Variants in PPP2R5E observed in about 807,000 individuals in gnomAD.
PPP2R5E encodes serine/threonine-protein phosphatase 2A 56 kDa regulatory subunit epsilon isoform.
Under a neutral mutation model 65.3 loss-of-function variants are expected in PPP2R5E, and 4 were observed. That is an observed-to-expected ratio of 0.06 (90% confidence interval 0.03 to 0.14). The LOEUF is 0.14. Among genes scored for constraint, PPP2R5E ranks in the 10% least tolerant of loss-of-function variants. PPP2R5E has a pLI of 1.00. For missense variants in PPP2R5E, 274 were observed against 556.1 expected (o/e 0.49, Z 5.10); for synonymous variants, 183 against 187.4 (o/e 0.98, Z 0.19).
chr14:63,523,623 G>C (rs551733662), intron 2 of PPP2R5E, among the ~76,000 whole-genome samples: 36 of 151,200 alleles, frequency 2.4e-4, no homozygotes, highest in Non-Finnish European at 4.0e-4. Flanking sequence ...TTGTTCACTT[G>C]TTTATCTGCT....
chr14:63,499,282 G>A (rs1891733814), intron 2 of PPP2R5E, among the ~76,000 whole-genome samples: 1 of 152,116 alleles, frequency 6.6e-6, no homozygotes, highest in Non-Finnish European at 1.5e-5. Flanking sequence ...ATATATGACA[G>A]CAGAAATGTA....
intron 13 of PPP2R5E, among the ~76,000 whole-genome samples, chr14:63,380,477 A>C (rs977555904): frequency 1.3e-5 from 2 of 152,082 alleles, no homozygotes; most frequent in African/African-American, 4.8e-5. Context: ...CCTGACTAGC[A>C]CAGTGAAACC....
chr14:63,408,321 T>C (rs1195075474), intron 5 of PPP2R5E, among the ~76,000 whole-genome samples: 1 of 151,710 alleles, frequency 6.6e-6, no homozygotes, highest in African/African-American at 2.4e-5. Flanking sequence ...TAAATTTAAG[T>C]TGATAGAATA....
At chr14:63,410,175 G>T (rs1035898059) in intron 5 of PPP2R5E, among the ~76,000 whole-genome samples, 1 of 152,150 alleles carries the variant, frequency 6.6e-6, no homozygotes, top group African/African-American at 2.4e-5. Flanking sequence ...ACTGAAGAAA[G>T]AAATTTTAAG....
At chr14:63,395,040 G>C (rs561784911) in intron 7 of PPP2R5E, among the ~76,000 whole-genome samples, 186 bp downstream of exon 7, 45 of 152,314 alleles carry the variant, frequency 3.0e-4, no homozygotes, top group African/African-American at 1.1e-3. Context: ...ATGCATACTT[G>C]TGGAACAAGG....
chr14:63,423,733 T>C (rs896916138), intron 3 of PPP2R5E, among the ~76,000 whole-genome samples: 8 of 152,214 alleles, frequency 5.3e-5, no homozygotes, highest in Admixed American at 5.2e-4. Context: ...TGTTTATTCA[T>C]CCAGTAAATA....
chr14:63,415,505 A>G (rs1886640695), intron 4 of PPP2R5E, among the ~76,000 whole-genome samples: 1 of 152,212 alleles, frequency 6.6e-6, no homozygotes, highest in Admixed American at 6.5e-5. Context: ...ATTTCAATGT[A>G]TATATTTCCT....
At chr14:63,445,820 C>T (rs985498543) in intron 3 of PPP2R5E, among the ~76,000 whole-genome samples, 1 of 146,096 alleles carries the variant, frequency 6.8e-6, no homozygotes, top group African/African-American at 2.6e-5. Flanking sequence ...CCAGCCTGGG[C>T]AATAGAGTGA....
At chr14:63,454,753 T>C (rs1316191952) in intron 2 of PPP2R5E, among the ~76,000 whole-genome samples, 2 of 152,228 alleles carry the variant, frequency 1.3e-5, no homozygotes. Flanking sequence ...CCCTCCTATC[T>C]TCTTTCCAAT....
intron 3 of PPP2R5E, among the ~76,000 whole-genome samples, chr14:63,424,013 T>TC (rs1305670907): frequency 1.3e-5 from 2 of 151,914 alleles, no homozygotes; most frequent in African/African-American, 4.8e-5. Context: ...AAAAAATCAC[T>TC]CCAACAGCTA....
rs74245190 is a variant in PPP2R5E at position 63,512,782 on chromosome 14, T to C, written c.157+26747A>G. Among the ~76,000 whole-genome samples the C allele has an allele frequency of 7.1e-3, 1,081 of 152,278 alleles. 66 individuals are homozygous for C. In the East Asian group the frequency reaches 0.15, roughly 21 times the overall value. On this transcript the variant is annotated intron_variant, in intron 2 of 13. Coordinates refer to ENST00000337537, the MANE Select transcript of PPP2R5E (RefSeq NM_006246.5). ...TACTGTAATTTTGAAAACTAAAACA[T>C]ATCTTCCAAGCTACCTCTATAAATT...
chr14:63,469,907 C>A (rs993022996), intron 2 of PPP2R5E, among the ~76,000 whole-genome samples: 1 of 152,156 alleles, frequency 6.6e-6, no homozygotes, highest in Non-Finnish European at 1.5e-5. Flanking sequence ...TATTCTGGGT[C>A]AATGGCTAAC....
intron 5 of PPP2R5E, among the ~76,000 whole-genome samples, chr14:63,398,925 T>C (rs924181107): frequency 6.6e-6 from 1 of 152,210 alleles, no homozygotes; most frequent in Non-Finnish European, 1.5e-5. Context: ...TTGGTAAGAA[T>C]GTAAAATGGT....
At chr14:63,454,250 C>A (rs191123537) in intron 2 of PPP2R5E, among the ~76,000 whole-genome samples, 1 of 152,164 alleles carries the variant, frequency 6.6e-6, no homozygotes, top group Non-Finnish European at 1.5e-5. Flanking sequence ...AGAAAGCTTT[C>A]GCTGTGGTTT....
chr14:63,435,291 G>C (rs1420795501), intron 3 of PPP2R5E, among the ~76,000 whole-genome samples: 1 of 151,988 alleles, frequency 6.6e-6, no homozygotes, highest in East Asian at 1.9e-4. Flanking sequence ...AAGCAGACTA[G>C]GAGCAGACTG....
intron 2 of PPP2R5E, among the ~76,000 whole-genome samples, chr14:63,505,251 C>A (rs1211809564): frequency 1.3e-5 from 2 of 152,186 alleles, no homozygotes; most frequent in Non-Finnish European, 2.9e-5. Flanking sequence ...CATGCCACTG[C>A]ACTCCAGCCT....
chr14:63,502,159 T>G (rs1295803933), intron 2 of PPP2R5E, among the ~76,000 whole-genome samples: 1 of 152,128 alleles, frequency 6.6e-6, no homozygotes, highest in African/African-American at 2.4e-5. Context: ...TCTCCCAAAG[T>G]GGTGGGATTA....
At chr14:63,485,197 A>G (rs999569438) in intron 2 of PPP2R5E, among the ~76,000 whole-genome samples, 5 of 97,238 alleles carry the variant, frequency 5.1e-5, no homozygotes, top group African/African-American at 3.2e-4. Flanking sequence ...ATACTCATTT[A>G]AAAAAAAAAA....
chr14:63,374,297 G>T lies in PPP2R5E; in HGVS notation c.*1712C>A, dbSNP rs1390165945. The T allele has an allele frequency of 6.6e-6, 1 of 151,534 alleles. No homozygotes were observed. Among genetic ancestry groups the T allele is most frequent in the Non-Finnish European group, 1.5e-5 (1 of 67,890 alleles). The allele number at this position is 151,534 out of a possible 1,614,324, so 9.4% of individuals were successfully genotyped here. A position where few individuals can be genotyped will look rare whatever the true frequency, so the allele number is the denominator to read the frequency against. Reference sequence around the variant, plus strand: ...ATTCTACTTTATATTTAAATGTAAGGAAGAAAATATACAAGCCCATATTTA... The same window carrying T: ...ATTCTACTTTATATTTAAATGTAAGTAAGAAAATATACAAGCCCATATTTA... On this transcript the variant is annotated 3_prime_UTR_variant, in exon 14 of 14. Coordinates refer to ENST00000337537, the MANE Select transcript of PPP2R5E (RefSeq NM_006246.5).
Sources: allele counts gnomAD v4.1 joint callset (sites outside exome capture counted in the v4.1 genomes callset), GRCh38; gene constraint gnomAD v4.1.1; transcripts MANE v1.5; gene names NCBI Gene and HGNC (gene_info 2026-07-23, HGNC 2026-07-21).